The following COBL variants were observed in gnomAD, a reference collection of about 807,000 sequenced individuals.
The protein encoded by COBL is protein cordon-bleu.
A neutral mutation model predicts 98.8 loss-of-function variants in COBL; 51 were observed. The observed-to-expected ratio is 0.52, with a 90% confidence interval of 0.41 to 0.65. The LOEUF is 0.65. Among genes scored for constraint, COBL ranks in the 30% least tolerant of loss-of-function variants. COBL has a pLI of 0.00. For synonymous variants in COBL, 634 were observed against 651.7 expected, an observed-to-expected ratio of 0.97 and a Z score of 0.41; for missense variants, 1,617 against 1,617.5, an observed-to-expected ratio of 1.00 and a Z score of 0.01.
intron 8 of COBL, among the ~76,000 whole-genome samples, chr7:51,041,478 CTTTTTTTTTTTTTT>C (rs773830122): frequency 7.5e-5 from 6 of 80,024 alleles, no homozygotes; most frequent in African/African-American, 2.4e-4. Context: ...TATTTCTTTC[CTTTTTTTTTTTTTT>C]TTTTTTTTTG....
intron 1 of COBL, among the ~76,000 whole-genome samples, chr7:51,305,789 C>T (rs1462637184): frequency 9.3e-6 from 1 of 107,574 alleles, no homozygotes; most frequent in African/African-American, 4.1e-5. Context: ...AATCCCAGCC[C>T]TTTGGGAGGC....
In COBL at chr7:51,290,763, C is replaced by T. The variant is rs535115652; in HGVS notation, c.41+25830G>A. ...GCTAAATCCCACTTCCCCCAGACAC[C>T]TGGGCCAGCACCCTTTCTGGCACCA... On this transcript the variant is annotated intron_variant, in intron 1 of 12. Coordinates refer to ENST00000265136, the MANE Select transcript of COBL (RefSeq NM_015198.5). 3.9e-5 allele frequency among the ~76,000 whole-genome samples: 6 copies of T among 152,252 alleles called. No homozygotes were observed. The East Asian group carries it at 1.2e-3, about 30-fold the overall frequency.
intron 1 of COBL, 81 bp downstream of exon 1, chr7:51,316,512 C>A (rs1803614033): frequency 9.1e-7 from 1 of 1,094,266 alleles, no homozygotes; most frequent in African/African-American, 1.6e-5. Flanking sequence ...GGCGCCCTGC[C>A]CGGGAGCGCG....
At chr7:51,078,868 C>T (rs1203962439) in intron 7 of COBL, among the ~76,000 whole-genome samples, 2 of 152,358 alleles carry the variant, frequency 1.3e-5, no homozygotes, top group African/African-American at 4.8e-5. Context: ...TGAAGTCTCC[C>T]TCAGCTCCTT....
rs75761505 is a variant in COBL at position 51,061,316 on chromosome 7, C to T, written c.1097-17624G>A. On this transcript the variant is annotated intron_variant, in intron 7 of 12. Transcript: ENST00000265136. ...TTATTCCCTTAACATGGGACATACGCGACTTCCATAGCAGTGTCTAATTGT... is the reference window on the plus strand; with the variant it reads ...TTATTCCCTTAACATGGGACATACGTGACTTCCATAGCAGTGTCTAATTGT... Among the ~76,000 whole-genome samples the T allele has an allele frequency of 2.0e-4, 31 of 152,132 alleles. No homozygotes were observed. The East Asian group carries it at 3.5e-3, about 17-fold the overall frequency.
At chr7:51,119,050 T>G (rs1797526874) in intron 6 of COBL, among the ~76,000 whole-genome samples, 1 of 152,138 alleles carries the variant, frequency 6.6e-6, no homozygotes. Context: ...TCACCAGAGA[T>G]TACATCACAT....
intron 1 of COBL, among the ~76,000 whole-genome samples, chr7:51,280,704 G>A (rs544767833): frequency 4.6e-5 from 7 of 152,288 alleles, no homozygotes; most frequent in South Asian, 2.1e-4. Context: ...TCCTGGGTGC[G>A]TCCCCAAACT....
Position 51,208,297 on chromosome 7 carries a change from G to C in COBL, c.245+11444C>G, listed in dbSNP as rs540081256. Among the ~76,000 whole-genome samples, 1,138 of 152,062 alleles carry C rather than the reference G, an allele frequency of 7.5e-3. 10 individuals carry two copies. The highest frequency in any genetic ancestry group is 0.013 in the Non-Finnish European group (894 of 67,902). On this transcript the variant is annotated intron_variant, in intron 2 of 12. Transcript: ENST00000265136. Reference sequence around the variant, plus strand: ...GGCAGCCACCCCGTCTGGGAAGTGAGGAGCGTCTCCGCCCGGCAGCCACCC... The same window carrying C: ...GGCAGCCACCCCGTCTGGGAAGTGACGAGCGTCTCCGCCCGGCAGCCACCC...
intron 4 of COBL, among the ~76,000 whole-genome samples, chr7:51,189,923 TAAC>T (rs1789931953): frequency 6.6e-6 from 1 of 152,168 alleles, no homozygotes; most frequent in Non-Finnish European, 1.5e-5. Context: ...TTACACAACA[TAAC>T]AGTCTCTGCA....
chr7:51,047,413 T>C (rs1356255275), intron 7 of COBL, among the ~76,000 whole-genome samples: 1 of 152,178 alleles, frequency 6.6e-6, no homozygotes, highest in African/African-American at 2.4e-5. Context: ...AATGCTAACT[T>C]AGGGCTACTA....
chr7:51,291,604 T>C (rs1800899637), intron 1 of COBL, among the ~76,000 whole-genome samples: 1 of 151,422 alleles, frequency 6.6e-6, no homozygotes, highest in Non-Finnish European at 1.5e-5. Flanking sequence ...CTGCTAAAAA[T>C]ACAAAAATTA....
chr7:51,067,232 G>C (rs1792024314), intron 7 of COBL, among the ~76,000 whole-genome samples: 1 of 152,144 alleles, frequency 6.6e-6, no homozygotes, highest in Non-Finnish European at 1.5e-5. Context: ...TATACACATG[G>C]ATGTATGAGT....
chr7:51,307,812 T>C (rs1047908953), intron 1 of COBL, among the ~76,000 whole-genome samples: 7 of 152,258 alleles, frequency 4.6e-5, no homozygotes, highest in Non-Finnish European at 8.8e-5. Context: ...TGTAGCAATT[T>C]AGAGCGTTGT....
Position 51,017,464 on chromosome 7 carries a change from TTGA to T in COBL, c.*84_*86del. The T allele has an allele frequency of 2.1e-6, 3 of 1,400,672 alleles. No homozygotes were observed. The highest frequency in any genetic ancestry group is 1.4e-5 in the African/African-American group (1 of 70,608). The allele number at this position is 1,400,672 out of a possible 1,614,324, so 86.8% of individuals were successfully genotyped here. On this transcript the variant is annotated 3_prime_UTR_variant, in exon 13 of 13. Transcript: ENST00000265136. ...GTAGACAAGAAAGTAACACCAAAAC[TTGA>T]TGTTCCTGGCTATGCAGACTCCTTG...
chr7:51,043,268 C>T (rs1246041536), intron 8 of COBL, 115 bp downstream of exon 8: 1 of 1,003,422 alleles, frequency 1.0e-6, no homozygotes, highest in Non-Finnish European at 1.5e-6. Flanking sequence ...GGGTCGGGGC[C>T]CCTGGTGCAG....
intron 7 of COBL, among the ~76,000 whole-genome samples, chr7:51,046,833 G>A (rs745663598): frequency 1.3e-5 from 2 of 152,140 alleles, no homozygotes; most frequent in African/African-American, 2.4e-5. Flanking sequence ...GCAGCAGGAG[G>A]AGGGCTGAAT....
intron 6 of COBL, among the ~76,000 whole-genome samples, chr7:51,134,868 T>G (rs192364884): frequency 3.0e-4 from 46 of 152,338 alleles, no homozygotes; most frequent in African/African-American, 1.1e-3. Flanking sequence ...GTACCATTTG[T>G]GCCTAAATTT....
intron 7 of COBL, chr7:51,083,255 T>C: frequency 7.0e-7 from 1 of 1,436,034 alleles, no homozygotes; most frequent in Non-Finnish European, 9.1e-7. Context: ...GGGAGTTACT[T>C]CAGCAGGTTA....
At chr7:51,038,564 T>C (rs1788859795) in intron 8 of COBL, among the ~76,000 whole-genome samples, 1 of 152,178 alleles carries the variant, frequency 6.6e-6, no homozygotes, top group Non-Finnish European at 1.5e-5. Context: ...GAGGTAGACC[T>C]TACACACTTG....
Sources: allele counts gnomAD v4.1 joint callset (sites outside exome capture counted in the v4.1 genomes callset), GRCh38; gene constraint gnomAD v4.1.1; transcripts MANE v1.5; gene names NCBI Gene and HGNC (gene_info 2026-07-23, HGNC 2026-07-21).